The following SORCS1 variants were observed in gnomAD, a reference collection of about 807,000 sequenced individuals.
The protein encoded by SORCS1 is VPS10 domain-containing receptor SorCS1.
A neutral mutation model predicts 146.1 loss-of-function variants in SORCS1; 60 were observed. That is an observed-to-expected ratio of 0.41 (90% CI 0.33 to 0.51). The LOEUF (loss-of-function observed/expected upper bound fraction) is 0.51. Ranked by LOEUF, SORCS1 falls within the 20% of genes least tolerant of loss-of-function variation. The pLI is 0.21. For synonymous variants in SORCS1, 637 were observed against 584.0 expected (o/e 1.09, Z -1.31); for missense variants, 1,352 against 1,487.6 (o/e 0.91, Z 1.50).
intron 6 of SORCS1, among the ~76,000 whole-genome samples, chr10:106,723,610 T>G (rs146756447): frequency 1.5e-3 from 229 of 152,268 alleles, no homozygotes; most frequent in African/African-American, 5.1e-3. Context: ...AGTAATACAA[T>G]AAAGAATAAC....
intron 21 of SORCS1, among the ~76,000 whole-genome samples, chr10:106,617,802 A>G (rs530863451): frequency 6.7e-6 from 1 of 149,392 alleles, no homozygotes; most frequent in South Asian, 2.2e-4. Flanking sequence ...CTTAAAAAAA[A>G]GAGATTCAAC....
chr10:107,143,287 T>G (rs1293985141), intron 1 of SORCS1, among the ~76,000 whole-genome samples: 1 of 152,180 alleles, frequency 6.6e-6, no homozygotes, highest in Admixed American at 6.5e-5. Context: ...ATTATGTCAC[T>G]CCTTTATACA....
Position 106,629,182 on chromosome 10 carries a change from C to T in SORCS1, c.2662+20G>A. On this transcript the variant is annotated intron_variant, in intron 19 of 25. Transcript: ENST00000263054. Reference sequence around the variant, plus strand: ...ACAATATTTAAGATAGGTCATAAACCAACAACAGTAATAACATACAAGTTA... The same window carrying T: ...ACAATATTTAAGATAGGTCATAAACTAACAACAGTAATAACATACAAGTTA... 1 of 1,600,486 alleles carries T rather than the reference C, an allele frequency of 6.2e-7. No individual in the cohort carries two copies. The highest frequency in any genetic ancestry group is 8.5e-7 in the Non-Finnish European group (1 of 1,169,890).
intron 1 of SORCS1, among the ~76,000 whole-genome samples, chr10:107,131,305 C>T (rs1027898095): frequency 1.3e-5 from 2 of 152,224 alleles, no homozygotes; most frequent in Non-Finnish European, 2.9e-5. Flanking sequence ...AACTCCTGCT[C>T]CTCCAAGTCT....
chr10:107,049,124 G>C (rs538627368), intron 1 of SORCS1, among the ~76,000 whole-genome samples: 1 of 151,338 alleles, frequency 6.6e-6, no homozygotes, highest in East Asian at 1.9e-4. Flanking sequence ...TAGGGACATG[G>C]ATGAAATTGG....
chr10:107,153,448 T>A (rs988018889), intron 1 of SORCS1, among the ~76,000 whole-genome samples: 7 of 152,180 alleles, frequency 4.6e-5, no homozygotes, highest in African/African-American at 1.7e-4. Context: ...AAACATATAT[T>A]GTTTAACTGG....
intron 5 of SORCS1, among the ~76,000 whole-genome samples, chr10:106,755,889 G>A (rs1214225376): frequency 6.6e-6 from 1 of 152,164 alleles, no homozygotes; most frequent in Non-Finnish European, 1.5e-5. Context: ...AGCACTTTGG[G>A]AGGCTGAGGC....
intron 1 of SORCS1, among the ~76,000 whole-genome samples, chr10:107,131,993 GTTTC>G (rs1369301083): frequency 6.6e-6 from 1 of 152,142 alleles, no homozygotes; most frequent in Non-Finnish European, 1.5e-5. Context: ...TTCCATCAAT[GTTTC>G]TTTCTTTGAG....
At chr10:106,682,841 CA>C (rs1400309606) in intron 10 of SORCS1, among the ~76,000 whole-genome samples, 26 of 152,214 alleles carry the variant, frequency 1.7e-4, no homozygotes, top group African/African-American at 6.0e-4. Context: ...GACCTTTCCA[CA>C]TTAAGAAAAT....
intron 15 of SORCS1, among the ~76,000 whole-genome samples, chr10:106,671,686 C>T (rs951920134): frequency 6.6e-6 from 1 of 152,100 alleles, no homozygotes; most frequent in African/African-American, 2.4e-5. Flanking sequence ...AGTGTATTGC[C>T]AGTAAATCTG....
At chr10:106,951,312 C>T (rs1954668978) in intron 2 of SORCS1, among the ~76,000 whole-genome samples, 1 of 152,032 alleles carries the variant, frequency 6.6e-6, no homozygotes, top group South Asian at 2.1e-4. Context: ...GAGATCGAGA[C>T]CATCCTGGCT....
At chr10:106,778,922 T>C (rs1860673234) in intron 3 of SORCS1, among the ~76,000 whole-genome samples, 1 of 152,118 alleles carries the variant, frequency 6.6e-6, no homozygotes, top group Non-Finnish European at 1.5e-5. Context: ...GCCTACAGAA[T>C]ATTCCCAAAG....
chr10:106,667,839 T>TG, intron 16 of SORCS1, 37 bp from the exon 17 acceptor site: 2 of 1,526,072 alleles, frequency 1.3e-6, no homozygotes, highest in Non-Finnish European at 1.8e-6. Context: ...TTTCACTAGG[T>TG]GGCAAAATTA....
At chr10:107,079,942 A>AT (rs1246960836) in intron 1 of SORCS1, among the ~76,000 whole-genome samples, 2 of 152,242 alleles carry the variant, frequency 1.3e-5, no homozygotes. Flanking sequence ...AAAATGTATG[A>AT]TAAAAAACAA....
At chr10:106,738,200 T>A (rs1007429597) in intron 5 of SORCS1, among the ~76,000 whole-genome samples, 9 of 152,202 alleles carry the variant, frequency 5.9e-5, no homozygotes, top group Non-Finnish European at 1.2e-4. Context: ...GTCAAAGGGA[T>A]CCTTATCTTT....
chr10:106,611,222 T>C (rs747043441), intron 22 of SORCS1, among the ~76,000 whole-genome samples: 10 of 152,316 alleles, frequency 6.6e-5, no homozygotes, highest in Non-Finnish European at 1.3e-4. Context: ...GGAAGCTTTG[T>C]CAAATACACA....
intron 18 of SORCS1, among the ~76,000 whole-genome samples, chr10:106,630,648 A>G (rs1210616358): frequency 1.3e-5 from 2 of 152,252 alleles, no homozygotes; most frequent in Non-Finnish European, 2.9e-5. Context: ...CCTGTCTTAA[A>G]GAGTTGTAAA....
intron 10 of SORCS1, among the ~76,000 whole-genome samples, chr10:106,685,890 A>C (rs1023618879): frequency 4.6e-5 from 7 of 152,246 alleles, no homozygotes; most frequent in Non-Finnish European, 5.9e-5. Context: ...AAAAAACAGC[A>C]ATCTGATATA....
intron 3 of SORCS1, among the ~76,000 whole-genome samples, chr10:106,785,953 G>T (rs1253439042): frequency 6.6e-6 from 1 of 152,188 alleles, no homozygotes; most frequent in Non-Finnish European, 1.5e-5. Context: ...GGGTCAATGT[G>T]CTTAATTGAC....
Sources: allele counts gnomAD v4.1 joint callset (sites outside exome capture counted in the v4.1 genomes callset), GRCh38; gene constraint gnomAD v4.1.1; transcripts MANE v1.5; gene names NCBI Gene and HGNC (gene_info 2026-07-23, HGNC 2026-07-21).